Variants in SNX32 observed in about 807,000 individuals in gnomAD.
The protein encoded by SNX32 is sorting nexin 32.
SNX32 carries 58 observed loss-of-function variants against 57.0 expected under a neutral mutation model. The ratio of observed to expected loss-of-function variants is 1.02; its 90% CI spans 0.82 to 1.27. The LOEUF is 1.27. Ranked by LOEUF, SNX32 falls within the 50% of genes most tolerant of loss-of-function variation. SNX32 has a pLI of 0.00. For synonymous variants in SNX32, 262 were observed against 220.4 expected (o/e 1.19, Z -1.67); for missense variants, 589 against 541.2 (o/e 1.09, Z -0.88).
intron 9 of SNX32, among the ~76,000 whole-genome samples, chr11:65,851,938 G>A (rs1859212303): frequency 6.6e-6 from 1 of 152,132 alleles, no homozygotes; most frequent in African/African-American, 2.4e-5. Flanking sequence ...AGGCACAAGG[G>A]TGTGCCCAAA....
intron 1 of SNX32, among the ~76,000 whole-genome samples, chr11:65,842,396 T>C (rs1382398983): frequency 6.6e-6 from 1 of 152,178 alleles, no homozygotes; most frequent in East Asian, 1.9e-4. Context: ...TGCCTGTAAT[T>C]CCAGCACTTT....
intron 1 of SNX32, among the ~76,000 whole-genome samples, chr11:65,842,207 A>G (rs1858859480): frequency 6.6e-6 from 1 of 152,234 alleles, no homozygotes. Flanking sequence ...AGAGAGTCCA[A>G]AATTTGTCAC....
intron 1 of SNX32, among the ~76,000 whole-genome samples, chr11:65,834,638 G>A (rs1858607832): frequency 6.6e-6 from 1 of 151,234 alleles, no homozygotes. Flanking sequence ...ATGTGTGCAT[G>A]TATGCATCTG....
At chr11:65,851,797 G>A in intron 9 of SNX32, 118 bp downstream of exon 9, 2 of 1,124,814 alleles carry the variant, frequency 1.8e-6, no homozygotes, top group Admixed American at 1.8e-5. Context: ...TGGGCCCAGT[G>A]GCAAGTTGGG....
At chr11:65,837,817 C>CAAAAAA (rs774242704) in intron 1 of SNX32, among the ~76,000 whole-genome samples, 8 of 71,402 alleles carry the variant, frequency 1.1e-4, no homozygotes, top group Non-Finnish European at 1.7e-4. Flanking sequence ...AAGACTCTCT[C>CAAAAAA]AAAAAAAAAA....
In SNX32 at chr11:65,852,546, G is replaced by C; in HGVS notation, c.907G>C (p.Ala303Pro). The C allele has an allele frequency of 1.2e-6, 2 of 1,614,240 alleles. No homozygotes were observed. The highest frequency in any genetic ancestry group is 1.7e-6 in the Non-Finnish European group (2 of 1,180,046). The change falls in exon 10 of 13, where the codon GCC becomes CCC. Residue 303 changes from alanine to proline, a missense_variant. Coordinates refer to ENST00000308342, the MANE Select transcript of SNX32 (RefSeq NM_152760.3). The part of the protein sequence containing the change: ...LRYYMRDSQA[A>P]KDLLYRRLRA... ...GTACTACATGCGTGACTCACAGGCA[G>C]CCAAGGTGAGAGGCAGCCCCAGCGC...
At chr11:65,850,395 C>CT in intron 4 of SNX32, 36 bp from the exon 5 acceptor site, 1 of 1,613,368 alleles carries the variant, frequency 6.2e-7, no homozygotes, top group South Asian at 1.1e-5. Flanking sequence ...ATGATGGGGG[C>CT]TGAGGAGGGC....
At position 65,851,375 on chromosome 11, in the gene SNX32, G is replaced by A. The variant is rs190013760; in HGVS notation, c.757G>A (p.Gly253Arg). ...IPISAALSSL[G>R]TQEVNQLRTS... ...TATCTCAGCTGCGCTGAGCAGTCTG[G>A]GAACACAGGAAGTCAACCAGCTAAG... The change falls in exon 8 of 13, where the codon GGA becomes AGA. Residue 253 changes from glycine (G) to arginine (R), a missense_variant. Physicochemically the swap from Gly to Arg is moderately radical, Grantham distance 125 (BLOSUM62 -2). Coordinates refer to ENST00000308342, the MANE Select transcript of SNX32 (RefSeq NM_152760.3). 1.2e-5 allele frequency: 19 copies of A among 1,614,158 alleles called. No individual in the cohort carries two copies. In the East Asian group the frequency reaches 3.8e-4, roughly 32 times the overall value.
At chr11:65,840,662 G>C (rs1858815874) in intron 1 of SNX32, among the ~76,000 whole-genome samples, 1 of 152,024 alleles carries the variant, frequency 6.6e-6, no homozygotes. Flanking sequence ...AAATTAGCCA[G>C]GCATGGTGGC....
Position 65,853,471 on chromosome 11 carries a change from G to C in SNX32, c.*136G>C, listed in dbSNP as rs886745370. 5 of 887,802 alleles carry C rather than the reference G, an allele frequency of 5.6e-6. No homozygotes were observed. In the African/African-American group the frequency reaches 8.3e-5, roughly 15 times the overall value. The allele number at this position is 887,802 out of a possible 1,614,324, so 55.0% of individuals were successfully genotyped here. A position where few individuals can be genotyped will look rare whatever the true frequency, so the allele number is the denominator to read the frequency against. ...CCTCACTCTGCCCCACATCCTCTCA[G>C]GGAAAGCCCAAACCCCCTATCACCA... is the stretch of plus-strand genomic sequence containing the variant. On this transcript the variant is annotated 3_prime_UTR_variant, in exon 13 of 13. Transcript: ENST00000308342.
chr11:65,850,968 G>A, intron 6 of SNX32, 87 bp from the exon 7 acceptor site: 1 of 1,504,070 alleles, frequency 6.6e-7, no homozygotes, highest in Non-Finnish European at 9.2e-7. Context: ...GGCCTGGTTT[G>A]GAAGGAGATT....
intron 7 of SNX32, 38 bp from the exon 8 acceptor site, chr11:65,851,290 C>A (rs987122565): frequency 6.2e-7 from 1 of 1,611,196 alleles, no homozygotes; most frequent in Non-Finnish European, 8.5e-7. Context: ...GCTTGACATG[C>A]AGATGTAGGG....
rs372904807 is a variant in SNX32, at chr11:65,850,271, C to T, written c.374C>T (p.Ala125Val). The change falls in exon 4 of 13, where the codon GCG (alanine) becomes GTG (valine). Residue 125 changes from alanine (A) to valine (V), a missense_variant and splice_region_variant. By Grantham distance (64) the Ala-to-Val change is moderately conservative. Transcript: ENST00000308342. ...GCCAAGATGAAGCAGGAGCTGGAAG[C>T]GTGAGTGCCCCCTCCTTTCCCTGCC... ...EFAKMKQELE[A>V]EYLAIFKKTV... is the part of the protein sequence containing the mutation. 3.0e-5 allele frequency: 49 copies of T among 1,614,028 alleles called. No individual in the cohort carries two copies. Among genetic ancestry groups the T allele is most frequent in the Middle Eastern group, 1.6e-4 (1 of 6,084 alleles).
chr11:65,835,033 CTG>C (rs755293265), intron 1 of SNX32, among the ~76,000 whole-genome samples: 5 of 145,202 alleles, frequency 3.4e-5, no homozygotes, highest in Non-Finnish European at 6.1e-5. Flanking sequence ...TTGTGTGTGT[CTG>C]TGTATCTGTG....
chr11:65,835,271 C>CGTCACT (rs1858636744), intron 1 of SNX32, among the ~76,000 whole-genome samples: 1 of 145,034 alleles, frequency 6.9e-6, no homozygotes. Context: ...GAAAGGGACC[C>CGTCACT]GTCACTGTCA....
At position 65,851,140 on chromosome 11, in the gene SNX32, G is replaced by A. The variant is rs765052252; in HGVS notation, c.689G>A (p.Arg230His). Residue 230 changes from arginine (R) to histidine (H), a missense_variant, in exon 7 of 13, where the codon CGC (arginine) becomes CAC (histidine). Physicochemically the swap from Arg to His is conservative, Grantham distance 29. Coordinates refer to ENST00000308342, the MANE Select transcript of SNX32 (RefSeq NM_152760.3). Reference protein sequence around the residue: ...RIRDACLRADRVMRAHKCLAD... With the variant: ...RIRDACLRADHVMRAHKCLAD... ...CGAGATGCCTGCCTGCGGGCCGACC[G>A]CGTCATGCGCGCCCACAAGTGTACG... 52 of 1,612,782 alleles carry A rather than the reference G, an allele frequency of 3.2e-5. No homozygotes were observed. Among genetic ancestry groups the A allele is most frequent in the South Asian group, 4.4e-5 (4 of 91,088 alleles).
At chr11:65,838,812 CAT>C (rs1858741668) in intron 1 of SNX32, among the ~76,000 whole-genome samples, 1 of 151,954 alleles carries the variant, frequency 6.6e-6, no homozygotes, top group Admixed American at 6.6e-5. Context: ...AAAACAAAAA[CAT>C]AACTAGATTC....
In SNX32 at chr11:65,851,207, G is replaced by A. The variant is rs775585541; in HGVS notation, c.709+47G>A. On this transcript the variant is annotated intron_variant, in intron 7 of 12. Coordinates refer to ENST00000308342, the MANE Select transcript of SNX32 (RefSeq NM_152760.3). ...CTGGATCCCCCTGCCCCTCTCCCCA[G>A]CGGTTCAACTCCTTGGGGGAGAGAA... 2.1e-5 allele frequency: 34 copies of A among 1,598,658 alleles called. No homozygotes were observed. In the South Asian group the frequency reaches 3.4e-4, roughly 16 times the overall value.
In SNX32 at chr11:65,849,491, C is replaced by T. The variant is rs772004443; in HGVS notation, c.50C>T (p.Ser17Leu). ...VGKEGKPSCA[S>L]VDLQGDSSLQ... ...CCTCCTCCGCAGCCTTCCTGTGCAT[C>T]GGTGGATCTGCAGGGAGACAGCTCC... The change falls in exon 2 of 13, where the codon TCG (serine) becomes TTG (leucine). Residue 17 changes from serine (S) to leucine (L), a missense_variant. Ser to Leu is a moderately radical substitution (Grantham distance 145). Transcript: ENST00000308342. 1.1e-5 allele frequency: 18 copies of T among 1,611,614 alleles called. No homozygotes were observed. The highest frequency in any genetic ancestry group is 5.3e-5 in the African/African-American group (4 of 74,928).
Sources: allele counts gnomAD v4.1 joint callset (sites outside exome capture counted in the v4.1 genomes callset), GRCh38; gene constraint gnomAD v4.1.1; transcripts MANE v1.5; gene names NCBI Gene and HGNC (gene_info 2026-07-23, HGNC 2026-07-21).